TOP1: variants seen among roughly 807,000 people sequenced by gnomAD.
TOP1 encodes the protein DNA topoisomerase 1.
In TOP1, 10 loss-of-function variants were observed where a neutral mutation model predicts 111.1. That is an observed-to-expected ratio of 0.09 (90% CI 0.06 to 0.15). The LOEUF is 0.15. Ranked by LOEUF, TOP1 falls within the 10% of genes least tolerant of loss-of-function variation. The pLI, the probability that TOP1 is intolerant of heterozygous loss-of-function variation, is 1.00. For synonymous variants in TOP1, 271 were observed against 302.9 expected (o/e 0.89, Z 1.10); for missense variants, 474 against 926.7 (o/e 0.51, Z 6.34).
chr20:41,035,337 G>A (rs2033171924), intron 2 of TOP1, among the ~76,000 whole-genome samples: 1 of 152,144 alleles, frequency 6.6e-6, no homozygotes, highest in African/African-American at 2.4e-5. Flanking sequence ...TTGGGGTGGG[G>A]AGGCATCTCT....
In TOP1 at chr20:41,029,971, T is replaced by C. The variant is rs2033097406; in HGVS notation, c.58+516T>C. On this transcript the variant is annotated intron_variant, in intron 2 of 20. Transcript: ENST00000361337. The surrounding 1 kb of genome is among the most constrained non-coding windows in gnomAD (Gnocchi z 6.1). ...ATTTTGGGGGTTATTCCCTTTATGC[T>C]TCATGTTTGTTTCCTTTTCTGCTTC... Among the ~76,000 whole-genome samples the C allele has an allele frequency of 1.3e-5, 2 of 152,254 alleles. No individual in the cohort carries two copies. The highest frequency in any genetic ancestry group is 4.8e-5 in the African/African-American group (2 of 41,472).
rs141696258 is a variant in TOP1, at chr20:41,037,609, G to A, written c.58+8154G>A. Among the ~76,000 whole-genome samples, 6 of 152,282 alleles carry A rather than the reference G, an allele frequency of 3.9e-5. No individual in the cohort carries two copies. In the East Asian group the frequency reaches 5.8e-4, roughly 15 times the overall value. On this transcript the variant is annotated intron_variant, in intron 2 of 20. Transcript: ENST00000361337. ...CCAAATGCCGTGTTAACAGTTATGC[G>A]TGAGTATAGGCATTTGGGAGATTCC... is the stretch of plus-strand genomic sequence containing the variant.
Position 41,080,646 on chromosome 20 carries a change from A to G in TOP1, c.431+466A>G, listed in dbSNP as rs1174548743. ...TCCCCAGATTCAATGAGATTAAATT[A>G]TATTCATTATTTTCACTCTTATATA... On this transcript the variant is annotated intron_variant, in intron 6 of 20. Transcript: ENST00000361337. The surrounding 1 kb of genome is among the most constrained non-coding windows in gnomAD (Gnocchi z 5.0). Among the ~76,000 whole-genome samples, 3 of 152,170 alleles carry G rather than the reference A, an allele frequency of 2.0e-5. No individual in the cohort carries two copies. The highest frequency in any genetic ancestry group is 2.0e-4 in the Admixed American group (3 of 15,272).
At chr20:41,051,871 T>G (rs1330781728) in intron 2 of TOP1, among the ~76,000 whole-genome samples, 2 of 152,178 alleles carry the variant, frequency 1.3e-5, no homozygotes, top group African/African-American at 4.8e-5. Flanking sequence ...CAGTTCTATG[T>G]AAATTAATCA....
At chr20:41,074,790 G>A (rs75223842) in intron 3 of TOP1, among the ~76,000 whole-genome samples, 5 of 152,296 alleles carry the variant, frequency 3.3e-5, no homozygotes, top group African/African-American at 1.2e-4. Context: ...CATTGCTGAT[G>A]AAGTCTTTTT....
intron 2 of TOP1, among the ~76,000 whole-genome samples, chr20:41,036,699 C>T (rs184223374): frequency 1.1e-4 from 16 of 152,220 alleles, no homozygotes; most frequent in Non-Finnish European, 1.6e-4. Flanking sequence ...GTTGTTGAGT[C>T]TTTACCTAAT....
chr20:41,054,469 A>G (rs1474103433), intron 2 of TOP1, among the ~76,000 whole-genome samples: 1 of 152,190 alleles, frequency 6.6e-6, no homozygotes, highest in Non-Finnish European at 1.5e-5. Context: ...AGTCTTGGGT[A>G]TGTCTTTATT....
Position 41,109,001 on chromosome 20 carries a change from AAACTTTAGGATC to A in TOP1, c.1309-3778_1309-3767del, listed in dbSNP as rs2034192043. On this transcript the variant is annotated intron_variant, in intron 13 of 20. Transcript: ENST00000361337. The surrounding 1 kb of genome is among the most constrained non-coding windows in gnomAD (Gnocchi z 4.1). ...ATTTTTCTTTCAAATGCAGTACAGC[AAACTTTAGGATC>A]AATGTTGACATCGTATTGCGTTTAG... Among the ~76,000 whole-genome samples, 1 of 152,230 alleles carries A rather than the reference AAACTTTAGGATC, an allele frequency of 6.6e-6. No individual in the cohort carries two copies. Among genetic ancestry groups the A allele is most frequent in the Non-Finnish European group, 1.5e-5 (1 of 68,030 alleles).
chr20:41,090,606 G>A (rs757470711), intron 8 of TOP1, among the ~76,000 whole-genome samples: 2 of 152,062 alleles, frequency 1.3e-5, no homozygotes, highest in Non-Finnish European at 2.9e-5. Flanking sequence ...AGGTTCAAAC[G>A]ATTCTTGTGT....
chr20:41,085,234 T>A (rs1444673103), intron 8 of TOP1, among the ~76,000 whole-genome samples: 1 of 152,208 alleles, frequency 6.6e-6, no homozygotes, highest in Non-Finnish European at 1.5e-5. Context: ...AATAAGCATC[T>A]AAAAATGTGA....
At chr20:41,038,937 C>T (rs959274210) in intron 2 of TOP1, among the ~76,000 whole-genome samples, 3 of 151,394 alleles carry the variant, frequency 2.0e-5, no homozygotes, top group Admixed American at 1.3e-4. Context: ...TGCAGTGAGC[C>T]GTGAGCATGC....
Position 41,114,230 on chromosome 20 carries a change from G to T in TOP1, c.1638+75G>T. On this transcript the variant is annotated intron_variant, in intron 15 of 20. Transcript: ENST00000361337. This position sits in a 1 kb window ranked among gnomAD's most constrained non-coding sequence, Gnocchi z 4.5. ...GCATGGGTTGACTGCTTTTTTGTGT[G>T]CTTTGCACTTTGCTGGGCACCAGCA... 1 of 1,371,258 alleles carries T rather than the reference G, an allele frequency of 7.3e-7. No individual in the cohort carries two copies. Among genetic ancestry groups the T allele is most frequent in the Non-Finnish European group, 1.0e-6 (1 of 987,898 alleles). 84.9% of individuals were successfully genotyped at this position (1,371,258 alleles called of 1,614,324 possible). A position where few individuals can be genotyped will look rare whatever the true frequency, so the allele number is the denominator to read the frequency against.
At position 41,098,126 on chromosome 20, in the gene TOP1, G is replaced by A; in HGVS notation, c.853-89G>A. The A allele has an allele frequency of 7.3e-7, 1 of 1,364,980 alleles. No homozygotes were observed. The highest frequency in any genetic ancestry group is 1.5e-5 in the African/African-American group (1 of 68,834). 84.6% of individuals were successfully genotyped at this position (1,364,980 alleles called of 1,614,324 possible). A position where few individuals can be genotyped will look rare whatever the true frequency, so the allele number is the denominator to read the frequency against. On this transcript the variant is annotated intron_variant, in intron 10 of 20. Transcript: ENST00000361337. This position sits in a 1 kb window ranked among gnomAD's most constrained non-coding sequence, Gnocchi z 5.7. ...TCCAGAAACCTTTGACTGAAAAAAT[G>A]GTGCTTGGGTGTATTTGCAAAGAAA...
chr20:41,110,842 A>G lies in TOP1; in HGVS notation c.1309-1940A>G, dbSNP rs2145961993. Among the ~76,000 whole-genome samples, 1 of 152,318 alleles carries G rather than the reference A, an allele frequency of 6.6e-6. No homozygotes were observed. Among genetic ancestry groups the G allele is most frequent in the South Asian group, 2.1e-4 (1 of 4,830 alleles). ...TAAAAGTAGTCAAGAAAGCTTGTTC[A>G]GGGCATTGAACACTGCAGGGACAAG... On this transcript the variant is annotated intron_variant, in intron 13 of 20. Coordinates refer to ENST00000361337, the MANE Select transcript of TOP1 (RefSeq NM_003286.4). This position sits in a 1 kb window ranked among gnomAD's most constrained non-coding sequence, Gnocchi z 4.2.
rs917069173 is a variant in TOP1, at chr20:41,110,610, A to G, written c.1309-2172A>G. On this transcript the variant is annotated intron_variant, in intron 13 of 20. Coordinates refer to ENST00000361337, the MANE Select transcript of TOP1 (RefSeq NM_003286.4). The surrounding 1 kb of genome is among the most constrained non-coding windows in gnomAD (Gnocchi z 4.2). ...GGATAGCAGCTATATTAGAGAGACA[A>G]TATAGTGGGCCTACTAGTTTTAAAA... Among the ~76,000 whole-genome samples, 1 of 152,208 alleles carries G rather than the reference A, an allele frequency of 6.6e-6. No individual in the cohort carries two copies. Among genetic ancestry groups the G allele is most frequent in the African/African-American group, 2.4e-5 (1 of 41,448 alleles).
chr20:41,088,524 A>AT (rs1265184116), intron 8 of TOP1, among the ~76,000 whole-genome samples: 3 of 152,058 alleles, frequency 2.0e-5, no homozygotes, highest in African/African-American at 7.2e-5. Flanking sequence ...AAATAAATAA[A>AT]AACACTGTAG....
chr20:41,070,830 A>C (rs759491942), intron 3 of TOP1, among the ~76,000 whole-genome samples: 1 of 152,232 alleles, frequency 6.6e-6, no homozygotes, highest in African/African-American at 2.4e-5. Context: ...AGTCAAGTGC[A>C]TGACCCTGGA....
At chr20:41,074,436 G>A (rs974466058) in intron 3 of TOP1, among the ~76,000 whole-genome samples, 1 of 151,816 alleles carries the variant, frequency 6.6e-6, no homozygotes, top group Non-Finnish European at 1.5e-5. Context: ...ACAGTCTAAT[G>A]AGAGCAATAT....
rs553653379 is a variant in TOP1, at chr20:41,114,412, G to A, written c.1638+257G>A. Among the ~76,000 whole-genome samples the A allele has an allele frequency of 8.5e-5, 13 of 152,336 alleles. No homozygotes were observed. The South Asian group carries it at 2.7e-3, about 32-fold the overall frequency. On this transcript the variant is annotated intron_variant, in intron 15 of 20. Transcript: ENST00000361337. The surrounding 1 kb of genome is among the most constrained non-coding windows in gnomAD (Gnocchi z 4.5). ...TGTACTCCAGCCTGGGCAAAATAGT[G>A]AGACCTTGCCTCTCATATTAAAATA... is the stretch of plus-strand genomic sequence containing the variant.
Sources: allele counts gnomAD v4.1 joint callset (sites outside exome capture counted in the v4.1 genomes callset), GRCh38; gene constraint gnomAD v4.1.1; non-coding constraint Gnocchi (gnomAD v3.1); transcripts MANE v1.5; gene names NCBI Gene and HGNC (gene_info 2026-07-23, HGNC 2026-07-21).